MAP4K3: variants seen among roughly 807,000 people sequenced by gnomAD.
MAP4K3 encodes MAPK/ERK kinase kinase kinase 3.
MAP4K3 carries 94 observed loss-of-function variants against 143.5 expected under a neutral mutation model. The observed-to-expected ratio is 0.65, with a 90% CI of 0.55 to 0.78. The LOEUF (loss-of-function observed/expected upper bound fraction) is 0.78. Ranked by LOEUF, MAP4K3 falls within the 30% of genes least tolerant of loss-of-function variation. The pLI is 0.00. For missense variants in MAP4K3, 1,077 were observed against 1,068.1 expected, an observed-to-expected ratio of 1.01 and a Z score of -0.12; for synonymous variants, 416 against 347.2, an observed-to-expected ratio of 1.20 and a Z score of -2.20.
chr2:39,297,032 C>A (rs1682309516), intron 16 of MAP4K3, among the ~76,000 whole-genome samples: 1 of 152,112 alleles, frequency 6.6e-6, no homozygotes, highest in Admixed American at 6.5e-5. Flanking sequence ...TCAATGTACT[C>A]TTTTAACTAT....
chr2:39,428,037 C>T (rs1185314237), intron 1 of MAP4K3, among the ~76,000 whole-genome samples: 1 of 152,226 alleles, frequency 6.6e-6, no homozygotes. Context: ...TCAAGATTCA[C>T]TCTTTCAGGA....
intron 3 of MAP4K3, among the ~76,000 whole-genome samples, chr2:39,355,833 A>G (rs1573191432): frequency 1.3e-5 from 2 of 152,326 alleles, no homozygotes; most frequent in East Asian, 3.9e-4. Context: ...CAATGAAGGA[A>G]AGGGATAAAG....
intron 3 of MAP4K3, among the ~76,000 whole-genome samples, chr2:39,351,395 T>C (rs1023055344): frequency 5.3e-5 from 8 of 152,250 alleles, no homozygotes; most frequent in African/African-American, 1.7e-4. Flanking sequence ...GAGTCTATCA[T>C]CCTTAGCACT....
intron 12 of MAP4K3, 129 bp from the exon 13 acceptor site, chr2:39,315,517 AT>A (rs5830562): frequency 0.74 from 311,571 of 418,566 alleles, 109,458 homozygotes; most frequent in Non-Finnish European, 0.76. Flanking sequence ...CACTTTGCAA[AT>A]TTTTTTTTTT....
intron 12 of MAP4K3, among the ~76,000 whole-genome samples, chr2:39,321,486 C>G (rs957098492): frequency 2.0e-5 from 3 of 152,138 alleles, no homozygotes; most frequent in African/African-American, 7.2e-5. Context: ...CCTAGGAAAG[C>G]CAGGTATTGT....
intron 15 of MAP4K3, among the ~76,000 whole-genome samples, chr2:39,304,710 A>G (rs954938220): frequency 4.6e-5 from 7 of 152,224 alleles, no homozygotes; most frequent in Non-Finnish European, 7.3e-5. Context: ...TTCTAGTTAC[A>G]TATCAAAAGA....
chr2:39,302,338 A>T (rs142196451), intron 15 of MAP4K3, among the ~76,000 whole-genome samples: 1 of 152,256 alleles, frequency 6.6e-6, no homozygotes, highest in African/African-American at 2.4e-5. Flanking sequence ...TAGGAATACC[A>T]TAAGTAAAAT....
chr2:39,331,994 T>C lies in MAP4K3; in HGVS notation c.458-5A>G, dbSNP rs111566153. On this transcript the variant is annotated splice_polypyrimidine_tract_variant and splice_region_variant and intron_variant, in intron 7 of 33. Transcript: ENST00000263881. ...GTGCAGATACTCCAAAATCAGCTAT[T>C]AAAAAAAATGAGAAACATTTAGGAA... 1.6e-5 allele frequency: 24 copies of C among 1,499,096 alleles called. No individual in the cohort carries two copies. The African/African-American group carries it at 1.9e-4, about 12-fold the overall frequency. 92.9% of individuals were successfully genotyped at this position (1,499,096 alleles called of 1,614,324 possible).
intron 2 of MAP4K3, among the ~76,000 whole-genome samples, chr2:39,368,324 A>C (rs940894979): frequency 3.3e-5 from 5 of 152,066 alleles, no homozygotes; most frequent in Non-Finnish European, 7.4e-5. Flanking sequence ...ATGGGCAAAA[A>C]ATTTTCTGTT....
At chr2:39,257,592 A>G (rs545342816) in intron 31 of MAP4K3, among the ~76,000 whole-genome samples, 1 of 152,092 alleles carries the variant, frequency 6.6e-6, no homozygotes, top group Admixed American at 6.5e-5. Flanking sequence ...CGAGGTCAAG[A>G]GTTCGAGACC....
intron 26 of MAP4K3, among the ~76,000 whole-genome samples, chr2:39,269,527 T>G (rs1037359983): frequency 1.5e-5 from 2 of 134,186 alleles, no homozygotes; most frequent in African/African-American, 2.9e-5. Flanking sequence ...CAGGATGGAG[T>G]GCAGTGGCTC....
In MAP4K3 at chr2:39,392,317, G is replaced by T. The variant is rs139021603; in HGVS notation, c.97-14194C>A. Among the ~76,000 whole-genome samples the T allele has an allele frequency of 2.6e-5, 4 of 151,644 alleles. No homozygotes were observed. The East Asian group carries it at 5.8e-4, about 22-fold the overall frequency. On this transcript the variant is annotated intron_variant, in intron 1 of 33. Coordinates refer to ENST00000263881, the MANE Select transcript of MAP4K3 (RefSeq NM_003618.4). ...ATGGGATAAATGTTAAGTGAAAAAT[G>T]CATATTTTTTAATTCAAAAAAGAAA...
chr2:39,292,102 A>T (rs888055346), intron 18 of MAP4K3, among the ~76,000 whole-genome samples: 2 of 152,156 alleles, frequency 1.3e-5, no homozygotes, highest in African/African-American at 4.8e-5. Flanking sequence ...TTAAAACTAT[A>T]TATTTACATC....
intron 3 of MAP4K3, among the ~76,000 whole-genome samples, chr2:39,354,686 A>G (rs1328712556): frequency 6.6e-6 from 1 of 151,810 alleles, no homozygotes; most frequent in African/African-American, 2.4e-5. Flanking sequence ...AAAAAAAACA[A>G]AAAAACTCCC....
intron 31 of MAP4K3, among the ~76,000 whole-genome samples, chr2:39,257,658 G>C (rs1314942245): frequency 6.6e-6 from 1 of 151,734 alleles, no homozygotes; most frequent in South Asian, 2.1e-4. Context: ...AATCAGCCGG[G>C]GGTGGTGGCG....
Position 39,335,352 on chromosome 2 carries a change from T to C in MAP4K3, c.414+1568A>G, listed in dbSNP as rs141785377. On this transcript the variant is annotated intron_variant, in intron 6 of 33. Coordinates refer to ENST00000263881, the MANE Select transcript of MAP4K3 (RefSeq NM_003618.4). The stretch of plus-strand genomic sequence containing the variant: ...ACTCAGGCTATTACAAAAGACCACA[T>C]GATATAATATTATGGTGGCTTAGAC... Among the ~76,000 whole-genome samples the C allele has an allele frequency of 8.5e-5, 13 of 152,148 alleles. No individual in the cohort carries two copies. In the East Asian group the frequency reaches 2.5e-3, roughly 29 times the overall value.
chr2:39,277,802 G>A (rs547430988), intron 24 of MAP4K3, among the ~76,000 whole-genome samples: 5 of 151,610 alleles, frequency 3.3e-5, no homozygotes, highest in Admixed American at 3.3e-4. Context: ...CTGACCTCAG[G>A]TGATCTGCCT....
chr2:39,417,393 G>C (rs1185606258), intron 1 of MAP4K3, among the ~76,000 whole-genome samples: 2 of 152,028 alleles, frequency 1.3e-5, no homozygotes, highest in African/African-American at 4.8e-5. Flanking sequence ...CTAATTTTTT[G>C]TATTTTTAGT....
intron 1 of MAP4K3, among the ~76,000 whole-genome samples, chr2:39,410,139 T>A (rs919322861): frequency 1.3e-5 from 2 of 152,218 alleles, no homozygotes; most frequent in Admixed American, 1.3e-4. Context: ...CACCTAGGTC[T>A]GGGTATGGTA....
Sources: allele counts gnomAD v4.1 joint callset (sites outside exome capture counted in the v4.1 genomes callset), GRCh38; gene constraint gnomAD v4.1.1; transcripts MANE v1.5; gene names NCBI Gene and HGNC (gene_info 2026-07-23, HGNC 2026-07-21).